GRM4: variants seen among roughly 807,000 people sequenced by gnomAD.
GRM4 encodes the protein metabotropic glutamate receptor 4.
A neutral mutation model predicts 81.7 loss-of-function variants in GRM4; 28 were observed. The ratio of observed to expected loss-of-function variants is 0.34; its 90% confidence interval spans 0.25 to 0.47. The LOEUF (loss-of-function observed/expected upper bound fraction) is 0.47, where lower values mean the gene tolerates loss of function less well. GRM4 is among the 20% of genes least tolerant of loss of function. The pLI, the probability that GRM4 is intolerant of heterozygous loss-of-function variation, is 1.00. For missense variants in GRM4, 948 were observed against 1,290.0 expected (o/e 0.73, Z 4.06); for synonymous variants, 488 against 528.8 (o/e 0.92, Z 1.06).
chr6:34,096,586 A>G (rs1223716136), intron 2 of GRM4, among the ~76,000 whole-genome samples: 2 of 152,258 alleles, frequency 1.3e-5, no homozygotes, highest in Non-Finnish European at 2.9e-5. Context: ...CCCAAACACT[A>G]GTCAATACCC....
intron 2 of GRM4, among the ~76,000 whole-genome samples, chr6:34,095,466 C>T (rs1271024002): frequency 7.0e-6 from 1 of 142,058 alleles, no homozygotes; most frequent in African/African-American, 2.4e-5. Context: ...AGTTACTTCA[C>T]CTCCCCGGCC....
rs1284420804 is a variant in GRM4 at position 34,049,671 on chromosome 6, GT to G, written c.1168+6872del. ...TCCTCCTCCCGCCCACCCCATCGTA[GT>G]GCGTGGCCATTTCATCCATCTCCTT... On this transcript the variant is annotated intron_variant, in intron 6 of 10. Transcript: ENST00000538487. Among the ~76,000 whole-genome samples, 4 of 152,216 alleles carry G rather than the reference GT, an allele frequency of 2.6e-5. No individual in the cohort carries two copies. The South Asian group carries it at 8.3e-4, about 32-fold the overall frequency.
chr6:34,092,001 G>T lies in GRM4; in HGVS notation c.618C>A (p.Ala206=). 1 of 1,614,072 alleles carries T rather than the reference G, an allele frequency of 6.2e-7. No homozygotes were observed. Among genetic ancestry groups the T allele is most frequent in the Non-Finnish European group, 8.5e-7 (1 of 1,179,902 alleles). Residue 206 remains alanine, a synonymous_variant, in exon 3 of 11, where the codon GCC becomes GCA. Transcript: ENST00000538487. This position sits in a 1 kb window ranked among gnomAD's most constrained non-coding sequence, Gnocchi z 6.8. ...SRVVPSDTYQ[A]QAMVDIVRAL... Reference sequence around the variant, plus strand: ...CACGGACGATGTCCACCATGGCCTGGGCCTGGTACGTGTCCGAGGGCACCA... The same window carrying T: ...CACGGACGATGTCCACCATGGCCTGTGCCTGGTACGTGTCCGAGGGCACCA...
chr6:34,039,311 G>A (rs930195751), intron 8 of GRM4, among the ~76,000 whole-genome samples: 1 of 152,174 alleles, frequency 6.6e-6, no homozygotes, highest in Admixed American at 6.5e-5. Context: ...GTTCCTCGCT[G>A]GAAGAGATTA....
chr6:34,051,206 G>T (rs373962476), intron 6 of GRM4, among the ~76,000 whole-genome samples: 2 of 152,114 alleles, frequency 1.3e-5, no homozygotes, highest in African/African-American at 4.8e-5. Flanking sequence ...CCAAATGGTC[G>T]GATTCAAACC....
intron 2 of GRM4, among the ~76,000 whole-genome samples, chr6:34,099,664 T>C (rs1768728128): frequency 6.6e-6 from 1 of 152,090 alleles, no homozygotes; most frequent in African/African-American, 2.4e-5. Context: ...CCAGACAGCT[T>C]GGGACAGCCC....
intron 1 of GRM4, among the ~76,000 whole-genome samples, chr6:34,139,638 C>T (rs959439840): frequency 1.3e-5 from 2 of 152,232 alleles, no homozygotes; most frequent in Non-Finnish European, 2.9e-5. Flanking sequence ...GCACTGCCCT[C>T]ATCTCTATGT....
chr6:34,074,501 C>G lies in GRM4; in HGVS notation c.737-12473G>C, dbSNP rs977728229. ...CCAGGAGGCTGCTGGGCAGCGCAGG[C>G]AGTGTGGCTCAGAGCTGAGCCCTGC... is the stretch of plus-strand genomic sequence containing the variant. On this transcript the variant is annotated intron_variant, in intron 3 of 10. Coordinates refer to ENST00000538487, the MANE Select transcript of GRM4 (RefSeq NM_000841.4). This position sits in a 1 kb window ranked among gnomAD's most constrained non-coding sequence, Gnocchi z 4.9. Among the ~76,000 whole-genome samples the G allele has an allele frequency of 1.4e-5, 2 of 141,048 alleles. No individual in the cohort carries two copies. The highest frequency in any genetic ancestry group is 4.1e-4 in the East Asian group (2 of 4,870). The allele number at this position is 141,048 out of a possible 152,430, so 92.5% of individuals were successfully genotyped here.
chr6:34,131,086 A>G (rs1223167241), intron 2 of GRM4, among the ~76,000 whole-genome samples: 1 of 152,206 alleles, frequency 6.6e-6, no homozygotes, highest in Non-Finnish European at 1.5e-5. Flanking sequence ...CTGGCCTGGG[A>G]CAGCCCAGCC....
intron 1 of GRM4, among the ~76,000 whole-genome samples, chr6:34,143,486 C>G (rs1402409630): frequency 1.3e-5 from 2 of 152,208 alleles, no homozygotes; most frequent in Non-Finnish European, 2.9e-5. Flanking sequence ...TGCTCACACC[C>G]CAGAGTACCC....
rs139736485 is a variant in GRM4 at position 34,100,059 on chromosome 6, C to G, written c.520-7960G>C. ...TGCTCTGTGGATTTAGACCAGCTGC[C>G]TACTCCTGCCCTGAGCATCTGGTCA... On this transcript the variant is annotated intron_variant, in intron 2 of 10. Coordinates refer to ENST00000538487, the MANE Select transcript of GRM4 (RefSeq NM_000841.4). The G allele has an allele frequency of 1.7e-3, 1,684 of 984,064 alleles. 6 individuals carry two copies. In the Middle Eastern group the frequency reaches 0.017, roughly 10 times the overall value. The allele number at this position is 984,064 out of a possible 1,614,324, so 61.0% of individuals were successfully genotyped here.
In GRM4 at chr6:34,133,229, T is replaced by C; in HGVS notation, c.268A>G (p.Asn90Asp). ...EAMLFALDRI[N>D]NDPDLLPNIT... ...TTAGGCAGCAGGTCCGGGTCGTTGT[T>C]GATGCGATCCAGGGCGAACAGCATG... The change falls in exon 2 of 11, where the codon AAC (asparagine) becomes GAC (aspartate). Residue 90 changes from asparagine (N) to aspartate (D), a missense_variant. By Grantham distance (23) the Asn-to-Asp change is conservative (BLOSUM62 1). Coordinates refer to ENST00000538487, the MANE Select transcript of GRM4 (RefSeq NM_000841.4). This position sits in a 1 kb window ranked among gnomAD's most constrained non-coding sequence, Gnocchi z 6.5. The C allele has an allele frequency of 1.2e-6, 2 of 1,614,178 alleles. No individual in the cohort carries two copies. Among genetic ancestry groups the C allele is most frequent in the Non-Finnish European group, 1.7e-6 (2 of 1,180,014 alleles).
chr6:34,084,435 G>A (rs2499706), intron 3 of GRM4, among the ~76,000 whole-genome samples: 141,045 of 151,926 alleles, frequency 0.93, 65,589 homozygotes, highest in African/African-American at 0.98. Flanking sequence ...GCCTGGGGGG[G>A]AAAACTCCAC....
At chr6:34,128,181 T>C (rs1181040264) in intron 2 of GRM4, among the ~76,000 whole-genome samples, 1 of 152,180 alleles carries the variant, frequency 6.6e-6, no homozygotes, top group East Asian at 1.9e-4. Flanking sequence ...CAGCAGATGG[T>C]GGGGAACTCT....
At chr6:34,142,712 G>C (rs946816197) in intron 1 of GRM4, among the ~76,000 whole-genome samples, 91 of 152,328 alleles carry the variant, frequency 6.0e-4, no homozygotes, top group Admixed American at 1.7e-3. Context: ...TCACCCGCTC[G>C]CTCTCTCACC....
intron 3 of GRM4, among the ~76,000 whole-genome samples, chr6:34,073,212 CA>C (rs1767096248): frequency 7.2e-6 from 1 of 138,482 alleles, no homozygotes; most frequent in Non-Finnish European, 1.5e-5. Flanking sequence ...CCACACATCA[CA>C]CAAACACACA....
At chr6:34,086,087 G>C (rs970838030) in intron 3 of GRM4, among the ~76,000 whole-genome samples, 2 of 152,234 alleles carry the variant, frequency 1.3e-5, no homozygotes, top group South Asian at 4.1e-4. Flanking sequence ...AGCGGAACAG[G>C]CACCCTTAAT....
intron 2 of GRM4, among the ~76,000 whole-genome samples, chr6:34,117,880 C>T (rs190719900): frequency 1.4e-4 from 22 of 152,286 alleles, no homozygotes; most frequent in Non-Finnish European, 2.9e-4. Context: ...GTAAGCAGCC[C>T]CAAGATCTCA....
chr6:34,073,226 A>AT (rs1767098479), intron 3 of GRM4, among the ~76,000 whole-genome samples: 1 of 396 alleles, frequency 2.5e-3, no homozygotes, highest in Non-Finnish European at 4.7e-3. Context: ...AACACACATC[A>AT]CCAAATACAT....
Sources: allele counts gnomAD v4.1 joint callset (sites outside exome capture counted in the v4.1 genomes callset), GRCh38; gene constraint gnomAD v4.1.1; non-coding constraint Gnocchi (gnomAD v3.1); transcripts MANE v1.5; gene names NCBI Gene and HGNC (gene_info 2026-07-23, HGNC 2026-07-21).